Variants in DSE observed in about 807,000 individuals in gnomAD.
The protein encoded by DSE is dermatan-sulfate epimerase.
A neutral mutation model predicts 84.4 loss-of-function variants in DSE; 36 were observed. That is an observed-to-expected ratio of 0.43 (90% CI 0.33 to 0.56). The LOEUF is 0.56. Ranked by LOEUF, DSE falls within the 20% of genes least tolerant of loss-of-function variation. The pLI is 0.06. For missense variants in DSE, 862 were observed against 1,169.6 expected, an observed-to-expected ratio of 0.74 and a Z score of 3.84; for synonymous variants, 410 against 430.1, an observed-to-expected ratio of 0.95 and a Z score of 0.58.
intron 2 of DSE, chr6:116,259,027 A>T: frequency 6.6e-7 from 1 of 1,506,446 alleles, no homozygotes; most frequent in Non-Finnish European, 9.2e-7. Context: ...AATGTCACTG[A>T]TGTGCACATC....
intron 2 of DSE, among the ~76,000 whole-genome samples, chr6:116,261,589 T>C (rs1582904925): frequency 6.6e-6 from 1 of 152,284 alleles, no homozygotes; most frequent in South Asian, 2.1e-4. Context: ...ATGCACTTTC[T>C]TTCTTTCTCT....
intron 2 of DSE, among the ~76,000 whole-genome samples, chr6:116,286,892 A>G (rs1773941954): frequency 1.3e-5 from 2 of 152,160 alleles, no homozygotes; most frequent in African/African-American, 4.8e-5. Flanking sequence ...CTTCCATTAT[A>G]GGAAATACAT....
intron 2 of DSE, among the ~76,000 whole-genome samples, chr6:116,260,840 A>C (rs58219928): frequency 0.043 from 6,546 of 152,172 alleles, 220 homozygotes; most frequent in African/African-American, 0.091. Flanking sequence ...CCATTGGTCT[A>C]CGTGTCTGTA....
intron 2 of DSE, among the ~76,000 whole-genome samples, chr6:116,319,649 C>T (rs993462417): frequency 2.6e-5 from 4 of 152,208 alleles, no homozygotes; most frequent in African/African-American, 9.6e-5. Context: ...CCTGGTCTTA[C>T]TTAAAATCCT....
At chr6:116,313,625 G>C (rs553883277) in intron 2 of DSE, among the ~76,000 whole-genome samples, 1 of 152,172 alleles carries the variant, frequency 6.6e-6, no homozygotes, top group African/African-American at 2.4e-5. Flanking sequence ...ATCACCATTA[G>C]AGTCACACAT....
At chr6:116,374,441 T>C (rs1779799282) in intron 1 of DSE, among the ~76,000 whole-genome samples, 1 of 152,108 alleles carries the variant, frequency 6.6e-6, no homozygotes, top group Admixed American at 6.6e-5. Flanking sequence ...ATCTTTACTA[T>C]TTTGAAGGAG....
chr6:116,359,347 C>T (rs868821515), intron 2 of DSE, among the ~76,000 whole-genome samples: 2 of 152,240 alleles, frequency 1.3e-5, no homozygotes, highest in Non-Finnish European at 1.5e-5. Flanking sequence ...TCTTTCACAA[C>T]TTCCTCCTTC....
In DSE at chr6:116,437,162, T is replaced by C. The variant is rs1382899840; in HGVS notation, c.2694T>C (p.Ala898=). Residue 898 remains alanine (A), a synonymous_variant, in exon 6 of 6, where the codon GCT becomes GCC. Coordinates refer to ENST00000644252, the MANE Select transcript of DSE (RefSeq NM_013352.4). The part of the protein sequence containing the change: ...TTHSRAPSLS[A]SYTRLFLILN... Reference sequence around the variant, plus strand: ...ACAGCAGGGCCCCATCACTGTCTGCTTCCTATACCAGGTTGTTCCTGATTC... The same window carrying C: ...ACAGCAGGGCCCCATCACTGTCTGCCTCCTATACCAGGTTGTTCCTGATTC... 1 of 1,614,184 alleles carries C rather than the reference T, an allele frequency of 6.2e-7. No homozygotes were observed. The highest frequency in any genetic ancestry group is 8.5e-7 in the Non-Finnish European group (1 of 1,180,012).
rs185904111 is a variant in DSE at position 116,348,254 on chromosome 6, C to T, written c.-53-50944C>T. ...CATCCTGGCTAACACGGTGAAACCC[C>T]GTGTCTACTAAAAATTAAAAAAATT... On this transcript the variant is annotated intron_variant, in intron 2 of 3. Transcript: ENST00000430252. Among the ~76,000 whole-genome samples the T allele has an allele frequency of 3.2e-3, 489 of 152,004 alleles. 1 individual carries two copies. Among genetic ancestry groups the T allele is most frequent in the Middle Eastern group, 0.01 (3 of 294 alleles).
At chr6:116,407,049 C>T (rs1781976601) in intron 2 of DSE, among the ~76,000 whole-genome samples, 1 of 152,188 alleles carries the variant, frequency 6.6e-6, no homozygotes, top group Non-Finnish European at 1.5e-5. Context: ...TGAAAATCTA[C>T]ACAGAGATTG....
intron 1 of DSE, among the ~76,000 whole-genome samples, chr6:116,388,772 G>A (rs914761215): frequency 3.9e-5 from 6 of 152,188 alleles, no homozygotes; most frequent in African/African-American, 1.4e-4. Flanking sequence ...GTTTTTATTA[G>A]TATGGTGAAT....
intron 2 of DSE, among the ~76,000 whole-genome samples, chr6:116,340,043 A>T (rs1176693156): frequency 1.3e-5 from 2 of 152,216 alleles, no homozygotes; most frequent in African/African-American, 4.8e-5. Flanking sequence ...CAAAGTAAAG[A>T]AACAGTCAAG....
intron 1 of DSE, among the ~76,000 whole-genome samples, chr6:116,398,671 C>T (rs1336144523): frequency 2.0e-5 from 3 of 152,156 alleles, no homozygotes; most frequent in African/African-American, 7.2e-5. Flanking sequence ...TAACCTTATT[C>T]ATAATATTTT....
At chr6:116,321,704 G>T (rs1019960777) in intron 2 of DSE, among the ~76,000 whole-genome samples, 1 of 152,134 alleles carries the variant, frequency 6.6e-6, no homozygotes, top group Non-Finnish European at 1.5e-5. Context: ...AACCCGGGAG[G>T]TGGAAGTTGC....
chr6:116,348,049 T>G (rs937883421), intron 2 of DSE, among the ~76,000 whole-genome samples: 10 of 152,178 alleles, frequency 6.6e-5, no homozygotes, highest in Non-Finnish European at 1.5e-4. Context: ...TAAAAAATGG[T>G]CATCATCACT....
At position 116,440,800 on chromosome 6, in the gene DSE, A is replaced by G. The variant is rs765579273; in HGVS notation, c.*3455A>G. 1.3e-5 allele frequency: 2 copies of G among 152,136 alleles called. No homozygotes were observed. Among genetic ancestry groups the G allele is most frequent in the Non-Finnish European group, 2.9e-5 (2 of 68,018 alleles). The allele number at this position is 152,136 out of a possible 1,614,324, so 9.4% of individuals were successfully genotyped here. A position where few individuals can be genotyped will look rare whatever the true frequency, so the allele number is the denominator to read the frequency against. ...AATTCAGGAAAAAAGGAGTTAGGGAAGTCTGAAGGTCTAACTCAAAGTTTG... is the reference window on the plus strand; with the variant it reads ...AATTCAGGAAAAAAGGAGTTAGGGAGGTCTGAAGGTCTAACTCAAAGTTTG... On this transcript the variant is annotated 3_prime_UTR_variant, in exon 6 of 6. Transcript: ENST00000644252.
chr6:116,256,842 T>C (rs1449819675), intron 1 of DSE: 3 of 152,218 alleles, frequency 2.0e-5, no homozygotes, highest in Non-Finnish European at 4.4e-5. Context: ...GAATAATATA[T>C]ATTTTGTACA....
chr6:116,267,819 TGAA>T (rs1772701067), intron 2 of DSE, among the ~76,000 whole-genome samples: 1 of 151,476 alleles, frequency 6.6e-6, no homozygotes, highest in South Asian at 2.1e-4. Flanking sequence ...TGACAGAAGG[TGAA>T]GGGGAAGCAA....
At chr6:116,278,232 A>T in intron 2 of DSE, 1 of 418,048 alleles carries the variant, frequency 2.4e-6, no homozygotes, top group Non-Finnish European at 4.5e-6. Context: ...AGATAAAGGC[A>T]GTACAATCTA....
Sources: allele counts gnomAD v4.1 joint callset (sites outside exome capture counted in the v4.1 genomes callset), GRCh38; gene constraint gnomAD v4.1.1; transcripts MANE v1.5; gene names NCBI Gene and HGNC (gene_info 2026-07-23, HGNC 2026-07-21).